Variants in DENND2B observed in about 807,000 individuals in gnomAD.
The protein encoded by DENND2B is DENN domain-containing protein 2B.
In DENND2B, 32 loss-of-function variants were observed where a neutral mutation model predicts 116.0. That is an observed-to-expected ratio of 0.28 (90% CI 0.21 to 0.37). DENND2B has a LOEUF of 0.37. DENND2B is among the 10% of genes least tolerant of loss of function. The probability of loss-of-function intolerance (pLI) is 1.00; values close to 1 mark genes in which losing one functional copy is unlikely to be tolerated. For missense variants in DENND2B, 1,276 were observed against 1,477.7 expected, an observed-to-expected ratio of 0.86 and a Z score of 2.24; for synonymous variants, 588 against 583.9, an observed-to-expected ratio of 1.01 and a Z score of -0.10.
At chr11:8,775,673 G>A (rs1440862351) in intron 1 of DENND2B, among the ~76,000 whole-genome samples, 2 of 152,170 alleles carry the variant, frequency 1.3e-5, no homozygotes, top group Non-Finnish European at 2.9e-5. Context: ...GGAGGAAGAC[G>A]TCCTTGGAGC....
intron 4 of DENND2B, among the ~76,000 whole-genome samples, chr11:8,723,727 G>A (rs1162205837): frequency 6.6e-6 from 1 of 152,152 alleles, no homozygotes; most frequent in African/African-American, 2.4e-5. Flanking sequence ...CTCTGCTCTG[G>A]GTGGCCTATA....
intron 4 of DENND2B, among the ~76,000 whole-genome samples, chr11:8,825,059 G>T (rs1594122291): frequency 1.3e-5 from 2 of 151,994 alleles, no homozygotes; most frequent in South Asian, 4.2e-4. Context: ...ATTGCTGGGT[G>T]GAATGGTATT....
intron 11 of DENND2B, chr11:8,708,175 G>T: frequency 3.9e-6 from 5 of 1,284,886 alleles, no homozygotes; most frequent in Non-Finnish European, 5.0e-6. Flanking sequence ...GCTACAGGGT[G>T]TCTGTGGATT....
intron 1 of DENND2B, among the ~76,000 whole-genome samples, chr11:8,784,374 T>G (rs1405732792): frequency 7.1e-6 from 1 of 140,524 alleles, no homozygotes; most frequent in African/African-American, 2.7e-5. Flanking sequence ...CTGCAGTGAG[T>G]GGTGACTGTG....
intron 4 of DENND2B, among the ~76,000 whole-genome samples, chr11:8,829,690 G>A (rs2062127974): frequency 6.6e-6 from 1 of 152,112 alleles, no homozygotes; most frequent in South Asian, 2.1e-4. Context: ...CTTCCATGCT[G>A]CTGTTGTCTT....
intron 1 of DENND2B, among the ~76,000 whole-genome samples, chr11:8,788,505 C>A (rs1355455026): frequency 6.6e-6 from 1 of 152,164 alleles, no homozygotes; most frequent in Non-Finnish European, 1.5e-5. Flanking sequence ...AGCTTTCAAC[C>A]GATTCCACAG....
intron 2 of DENND2B, among the ~76,000 whole-genome samples, chr11:8,864,031 G>C (rs1349478815): frequency 6.6e-6 from 1 of 152,064 alleles, no homozygotes; most frequent in Admixed American, 6.6e-5. Context: ...GGGATATTAT[G>C]CTAACTAGAG....
chr11:8,836,191 C>A (rs199736256), intron 4 of DENND2B, among the ~76,000 whole-genome samples: 440 of 132,804 alleles, frequency 3.3e-3, no homozygotes, highest in Non-Finnish European at 4.4e-3. Context: ...ACTAAAAATA[C>A]AAAAAAAAAA....
chr11:8,831,400 A>C (rs1435119696), intron 4 of DENND2B, among the ~76,000 whole-genome samples: 1 of 152,086 alleles, frequency 6.6e-6, no homozygotes, highest in Non-Finnish European at 1.5e-5. Context: ...GGGAGCAAAT[A>C]CACCTCTGCA....
chr11:8,889,379 C>A (rs1477667037), intron 1 of DENND2B, among the ~76,000 whole-genome samples: 1 of 152,204 alleles, frequency 6.6e-6, no homozygotes, highest in African/African-American at 2.4e-5. Context: ...CTCAATGGGG[C>A]TTGTCAGACA....
chr11:8,860,444 A>G (rs1306543612), intron 2 of DENND2B, among the ~76,000 whole-genome samples: 1 of 152,132 alleles, frequency 6.6e-6, no homozygotes, highest in East Asian at 1.9e-4. Flanking sequence ...CCTTTTTAAT[A>G]CCTTCAAAAA....
intron 2 of DENND2B, among the ~76,000 whole-genome samples, chr11:8,734,453 C>G (rs976899373): frequency 6.6e-6 from 1 of 152,110 alleles, no homozygotes; most frequent in East Asian, 1.9e-4. Flanking sequence ...TCTTCTCTCC[C>G]TAAGCCTCAG....
At chr11:8,741,328 C>T (rs1477984290) in intron 2 of DENND2B, among the ~76,000 whole-genome samples, 2 of 152,166 alleles carry the variant, frequency 1.3e-5, no homozygotes, top group African/African-American at 2.4e-5. Context: ...AGCTCTTCTC[C>T]GGGAGGGAAT....
At chr11:8,833,112 G>C (rs533366826) in intron 4 of DENND2B, among the ~76,000 whole-genome samples, 163 of 152,370 alleles carry the variant, frequency 1.1e-3, no homozygotes, top group South Asian at 7.7e-3. Context: ...CAGCAAAGCT[G>C]GTGAGCAGAT....
At chr11:8,706,950 G>A (rs896017153) in intron 13 of DENND2B, 135 bp downstream of exon 13, 1 of 1,160,824 alleles carries the variant, frequency 8.6e-7, no homozygotes, top group Non-Finnish European at 1.2e-6. Flanking sequence ...TTGGTCCCTA[G>A]TGATGGGGTA....
intron 1 of DENND2B, among the ~76,000 whole-genome samples, chr11:8,892,882 C>G (rs904476121): frequency 6.6e-6 from 1 of 152,192 alleles, no homozygotes; most frequent in Non-Finnish European, 1.5e-5. Context: ...AGGGAATCCT[C>G]CCTAACCCAT....
chr11:8,730,959 T>A lies in DENND2B; in HGVS notation c.331A>T (p.Arg111Ter), dbSNP rs1356495082. 1 of 1,614,216 alleles carries A rather than the reference T, an allele frequency of 6.2e-7. No homozygotes were observed. The highest frequency in any genetic ancestry group is 8.5e-7 in the Non-Finnish European group (1 of 1,180,050). ...YLDRSPSACK[R>*]DAQKESVQGA... The stretch of plus-strand genomic sequence containing the variant: ...TGGACACTTTCCTTTTGGGCGTCTC[T>A]CTTGCACGCCGAAGGGCTTCTGTCC... Residue 111 changes from arginine to a stop codon, truncating the protein, a stop_gained, in exon 3 of 20, where the codon AGA (arginine) becomes TGA (stop). Coordinates refer to ENST00000313726, the MANE Select transcript of DENND2B (RefSeq NM_213618.2). LOFTEE classifies it high-confidence loss of function. This position sits in a 1 kb window ranked among gnomAD's most constrained non-coding sequence, Gnocchi z 4.1.
chr11:8,723,739 G>A (rs2133882223), intron 4 of DENND2B, among the ~76,000 whole-genome samples: 2 of 152,248 alleles, frequency 1.3e-5, no homozygotes, highest in South Asian at 4.1e-4. Context: ...TGGCCTATAG[G>A]TACAAAGCTG....
At chr11:8,896,378 A>G (rs2064101668) in intron 1 of DENND2B, among the ~76,000 whole-genome samples, 1 of 152,218 alleles carries the variant, frequency 6.6e-6, no homozygotes. Flanking sequence ...AGGAATATAA[A>G]ATTGGAAGGG....
Sources: gnomAD v4.1 joint callset for allele counts (sites outside exome capture counted in the v4.1 genomes callset) on GRCh38, gnomAD v4.1.1 for gene constraint, Gnocchi (gnomAD v3.1) non-coding constraint, MANE v1.5 for transcripts, NCBI Gene and HGNC (gene_info 2026-07-23, HGNC 2026-07-21) for gene names.